Variants in FNIP1 observed in about 807,000 individuals in gnomAD.
FNIP1 encodes the protein folliculin-interacting protein 1.
A neutral mutation model predicts 124.5 loss-of-function variants in FNIP1; 40 were observed. The ratio of observed to expected loss-of-function variants is 0.32; its 90% confidence interval spans 0.25 to 0.42. The LOEUF (loss-of-function observed/expected upper bound fraction) is 0.42, where lower values mean the gene tolerates loss of function less well. Among genes scored for constraint, FNIP1 ranks in the 10% least tolerant of loss-of-function variants. The probability of loss-of-function intolerance (pLI) is 1.00; values close to 1 mark genes in which losing one functional copy is unlikely to be tolerated. For synonymous variants in FNIP1, 472 were observed against 470.6 expected, an observed-to-expected ratio of 1.00 and a Z score of -0.04; for missense variants, 1,176 against 1,403.7, an observed-to-expected ratio of 0.84 and a Z score of 2.59.
chr5:131,744,776 T>TA lies in FNIP1; in HGVS notation c.93-87dup, dbSNP rs1176509044. The TA allele has an allele frequency of 1.6e-5, 17 of 1,063,558 alleles. No individual in the cohort carries two copies. In the African/African-American group the frequency reaches 2.8e-4, roughly 17 times the overall value. The allele number at this position is 1,063,558 out of a possible 1,614,324, so 65.9% of individuals were successfully genotyped here. A position where few individuals can be genotyped will look rare whatever the true frequency, so the allele number is the denominator to read the frequency against. On this transcript the variant is annotated intron_variant, in intron 1 of 17. Transcript: ENST00000510461. ...ATACATTATTAGAAATAAATCTATATAATAAAGCCCAAAATTATCTTATTG... is the reference window on the plus strand; with the variant it reads ...ATACATTATTAGAAATAAATCTATATAAATAAAGCCCAAAATTATCTTATTG...
chr5:131,784,673 T>A (rs1182847384), intron 1 of FNIP1, among the ~76,000 whole-genome samples: 2 of 151,326 alleles, frequency 1.3e-5, no homozygotes, highest in Non-Finnish European at 1.5e-5. Context: ...AAAATAAAAA[T>A]TAGCTGGGCA....
intron 11 of FNIP1, among the ~76,000 whole-genome samples, chr5:131,686,888 A>G (rs897418228): frequency 1.3e-4 from 20 of 151,770 alleles, no homozygotes; most frequent in Admixed American, 1.2e-3. Flanking sequence ...TAAGCTAGTT[A>G]TTACCAAAAG....
chr5:131,792,898 TTCA>T (rs1772456288), intron 1 of FNIP1, among the ~76,000 whole-genome samples: 1 of 152,202 alleles, frequency 6.6e-6, no homozygotes, highest in Admixed American at 6.5e-5. Context: ...AACCAGGCAT[TTCA>T]GGTAAAGGAT....
intron 1 of FNIP1, among the ~76,000 whole-genome samples, chr5:131,747,575 TGAAAAAGAACATTTTAGAAAA>T (rs963604312): frequency 7.9e-5 from 12 of 151,930 alleles, no homozygotes; most frequent in African/African-American, 2.4e-5. Context: ...CGGAAACCAG[TGAAAAAGAACATTTTAGAAAA>T]GAAAAAGAAC....
intron 1 of FNIP1, among the ~76,000 whole-genome samples, chr5:131,761,218 G>A (rs952930764): frequency 2.0e-5 from 3 of 152,098 alleles, no homozygotes; most frequent in African/African-American, 7.2e-5. Flanking sequence ...GTCCTACAAA[G>A]AAATAGCATT....
At chr5:131,667,887 C>T (rs1767649203) in intron 15 of FNIP1, among the ~76,000 whole-genome samples, 1 of 152,172 alleles carries the variant, frequency 6.6e-6, no homozygotes, top group African/African-American at 2.4e-5. Context: ...CATTCCGGGC[C>T]TCTCTATTTC....
At chr5:131,789,839 G>A (rs1466662916) in intron 1 of FNIP1, among the ~76,000 whole-genome samples, 1 of 150,688 alleles carries the variant, frequency 6.6e-6, no homozygotes, top group African/African-American at 2.4e-5. Flanking sequence ...TCCTCAGGGC[G>A]AAGCCCTCCG....
intron 16 of FNIP1, 50 bp from the exon 17 acceptor site, chr5:131,647,255 C>A: frequency 7.3e-7 from 1 of 1,371,790 alleles, no homozygotes. Flanking sequence ...GTTTGCAACT[C>A]TCAGTCATGG....
intron 1 of FNIP1, among the ~76,000 whole-genome samples, chr5:131,748,141 GTTGTTGGGAAA>G (rs1561687964): frequency 6.6e-6 from 1 of 152,018 alleles, no homozygotes; most frequent in African/African-American, 2.4e-5. Flanking sequence ...GAGAATAGCA[GTTGTTGGGAAA>G]TAAAATAGTC....
At chr5:131,769,104 C>G (rs941247554) in intron 1 of FNIP1, among the ~76,000 whole-genome samples, 2 of 152,098 alleles carry the variant, frequency 1.3e-5, no homozygotes, top group Non-Finnish European at 2.9e-5. Flanking sequence ...TTCCAAAAAT[C>G]TGCAGTGAAG....
rs117252855 is a variant in FNIP1 at position 131,729,144 on chromosome 5, G to T, written c.354+1760C>A. 1.8e-3 allele frequency among the ~76,000 whole-genome samples: 280 copies of T among 152,284 alleles called. 3 individuals carry two copies. The East Asian group carries it at 0.022, about 12-fold the overall frequency. On this transcript the variant is annotated intron_variant, in intron 3 of 17. Coordinates refer to ENST00000510461, the MANE Select transcript of FNIP1 (RefSeq NM_133372.3). ...GACCACCGCTGGGAGGTATCTCCCA[G>T]TGAGGAGTCATAGGGGTCAGGGACC...
chr5:131,691,342 AG>A (rs1768474314), intron 11 of FNIP1, among the ~76,000 whole-genome samples: 1 of 152,208 alleles, frequency 6.6e-6, no homozygotes, highest in Non-Finnish European at 1.5e-5. Context: ...CAGCAAAAGG[AG>A]TGCTTAAAGG....
chr5:131,726,466 T>C (rs1769874613), intron 3 of FNIP1, among the ~76,000 whole-genome samples: 1 of 152,140 alleles, frequency 6.6e-6, no homozygotes, highest in South Asian at 2.1e-4. Flanking sequence ...CTTCTAGATT[T>C]TCTAGTTTAT....
At chr5:131,733,335 G>A (rs1347149767) in intron 2 of FNIP1, among the ~76,000 whole-genome samples, 1 of 152,132 alleles carries the variant, frequency 6.6e-6, no homozygotes, top group East Asian at 1.9e-4. Flanking sequence ...TCTCCTGCCT[G>A]ATTGCCCTGG....
intron 11 of FNIP1, among the ~76,000 whole-genome samples, chr5:131,689,274 GAC>G (rs1238467288): frequency 1.3e-5 from 2 of 151,976 alleles, no homozygotes; most frequent in Non-Finnish European, 2.9e-5. Flanking sequence ...GACCAAAACT[GAC>G]AGATTTGATG....
chr5:131,707,271 C>A (rs2149534570), intron 8 of FNIP1, among the ~76,000 whole-genome samples: 1 of 152,324 alleles, frequency 6.6e-6, no homozygotes, highest in Admixed American at 6.5e-5. Flanking sequence ...TTTCATCAGG[C>A]TTTTCCCCAC....
chr5:131,651,966 C>G lies in FNIP1; in HGVS notation c.3142G>C (p.Val1048Leu), dbSNP rs757752369. ...TTATCCATGTCAGCTATAATACAGA[C>G]AGCTTCTGCTATTGGTTCATCCAAA... ...PVLDEPIAEA[V>L]CIIADMDKWT... Residue 1048 changes from valine (V) to leucine (L), a missense_variant, in exon 16 of 18, where the codon GTC becomes CTC. Around this residue, in one of 2 missense-constraint regions of FNIP1, gnomAD observed 1,109 missense variants for 1,288.5 expected, o/e 0.86. Coordinates refer to ENST00000510461, the MANE Select transcript of FNIP1 (RefSeq NM_133372.3). 3.1e-6 allele frequency: 5 copies of G among 1,613,828 alleles called. No individual in the cohort carries two copies.
intron 8 of FNIP1, among the ~76,000 whole-genome samples, chr5:131,707,666 A>G (rs1049075885): frequency 6.6e-6 from 1 of 152,208 alleles, no homozygotes; most frequent in African/African-American, 2.4e-5. Flanking sequence ...GGGTATGTAC[A>G]ACTAAATCTG....
At position 131,672,130 on chromosome 5, in the gene FNIP1, C is replaced by T; in HGVS notation, c.2314G>A (p.Val772Met). 1 of 1,614,204 alleles carries T rather than the reference C, an allele frequency of 6.2e-7. No homozygotes were observed. Among genetic ancestry groups the T allele is most frequent in the Non-Finnish European group, 8.5e-7 (1 of 1,180,046 alleles). ...DSDTELRSQA[V>M]VDQITRHHTK... is the part of the protein sequence containing the mutation. ...TGATGTCTGGTAATCTGATCCACCA[C>T]TGCCTGACTTCGAAGCTCAGTATCT... The change falls in exon 14 of 18, where the codon GTG (valine) becomes ATG (methionine). Residue 772 changes from valine (V) to methionine (M), a missense_variant. Coordinates refer to ENST00000510461, the MANE Select transcript of FNIP1 (RefSeq NM_133372.3).
Sources: gnomAD v4.1 joint callset for allele counts (sites outside exome capture counted in the v4.1 genomes callset) on GRCh38, gnomAD v4.1.1 for gene constraint, gnomAD v4.1.1 regional missense constraint, MANE v1.5 for transcripts, NCBI Gene and HGNC (gene_info 2026-07-23, HGNC 2026-07-21) for gene names.